The following MYT1L variants were observed in gnomAD, a reference collection of about 807,000 sequenced individuals.
MYT1L encodes myelin transcription factor 1 like.
In MYT1L, 12 loss-of-function variants were observed where a neutral mutation model predicts 126.7. The observed-to-expected ratio is 0.09, with a 90% CI of 0.06 to 0.15. MYT1L has a LOEUF of 0.15. Ranked by LOEUF, MYT1L falls within the 10% of genes least tolerant of loss-of-function variation. The pLI, the probability that MYT1L is intolerant of heterozygous loss-of-function variation, is 1.00. For synonymous variants in MYT1L, 541 were observed against 604.2 expected (o/e 0.90, Z 1.53); for missense variants, 979 against 1,585.2 (o/e 0.62, Z 6.49).
chr2:1,817,540 T>C (rs1378912666), intron 21 of MYT1L, among the ~76,000 whole-genome samples: 1 of 152,198 alleles, frequency 6.6e-6, no homozygotes, highest in Non-Finnish European at 1.5e-5. Context: ...GCCTGAAGAA[T>C]GATGCATTCT....
intron 1 of MYT1L, chr2:2,327,001 A>T (rs1375513433): frequency 6.6e-6 from 1 of 152,178 alleles, no homozygotes; most frequent in Non-Finnish European, 1.5e-5. Flanking sequence ...GATATTACAA[A>T]CAGAACCACA....
chr2:1,969,740 C>T (rs11127296), intron 8 of MYT1L, among the ~76,000 whole-genome samples: 14,274 of 152,236 alleles, frequency 0.094, 701 homozygotes, highest in East Asian at 0.13. Context: ...CTTCCTGCAG[C>T]CCTCTCTGGA....
rs570884169 is a variant in MYT1L, at chr2:2,135,363, G to C, written c.-304+37509C>G. ...TAAGACATGACTTTGCTCTTCCTTT[G>C]CCTTCCACCATGATTGTGAGGCCTC... On this transcript the variant is annotated intron_variant, in intron 3 of 24. Transcript: ENST00000647738. Among the ~76,000 whole-genome samples, 173 of 152,238 alleles carry C rather than the reference G, an allele frequency of 1.1e-3. 1 individual carries two copies. Among genetic ancestry groups the C allele is most frequent in the African/African-American group, 3.5e-3 (147 of 41,502 alleles).
intron 3 of MYT1L, among the ~76,000 whole-genome samples, chr2:2,086,223 A>G (rs2076338676): frequency 6.6e-6 from 1 of 152,210 alleles, no homozygotes; most frequent in South Asian, 2.1e-4. Flanking sequence ...GAGATGCGCT[A>G]AATAATCTAG....
intron 2 of MYT1L, among the ~76,000 whole-genome samples, chr2:2,244,685 A>G (rs6758172): frequency 0.71 from 107,558 of 151,668 alleles, 38,448 homozygotes; most frequent in East Asian, 0.97. Context: ...GCAGGTGTGG[A>G]GAAGAGGGGA....
intron 18 of MYT1L, among the ~76,000 whole-genome samples, chr2:1,869,891 T>G (rs1372321377): frequency 6.6e-6 from 1 of 152,208 alleles, no homozygotes; most frequent in Non-Finnish European, 1.5e-5. Flanking sequence ...CACACAGATC[T>G]CCAATTTCCA....
intron 4 of MYT1L, among the ~76,000 whole-genome samples, chr2:1,999,664 G>A (rs530379891): frequency 6.6e-6 from 1 of 152,042 alleles, no homozygotes; most frequent in Non-Finnish European, 1.5e-5. Context: ...AAATGAAAAC[G>A]AGTTAATACA....
chr2:2,199,499 G>A (rs1572389571), intron 2 of MYT1L, among the ~76,000 whole-genome samples: 2 of 152,262 alleles, frequency 1.3e-5, no homozygotes, highest in South Asian at 2.1e-4. Context: ...CAATGGGAGA[G>A]GGAGGAGCCA....
At chr2:2,117,848 G>C (rs1349216515) in intron 3 of MYT1L, among the ~76,000 whole-genome samples, 1 of 152,010 alleles carries the variant, frequency 6.6e-6, no homozygotes, top group Non-Finnish European at 1.5e-5. Flanking sequence ...TAATGAGACA[G>C]AGCCAGAGTC....
At chr2:2,216,172 C>G (rs1436367643) in intron 2 of MYT1L, among the ~76,000 whole-genome samples, 1 of 152,100 alleles carries the variant, frequency 6.6e-6, no homozygotes, top group Non-Finnish European at 1.5e-5. Context: ...GCCAATTAAA[C>G]CTCTTTTCTT....
chr2:2,006,350 C>G (rs1184085813), intron 4 of MYT1L, among the ~76,000 whole-genome samples: 3 of 152,074 alleles, frequency 2.0e-5, no homozygotes, highest in Non-Finnish European at 4.4e-5. Context: ...ACTTGTTTAT[C>G]ATCTCAGTTA....
At chr2:1,923,461 C>A (rs774252124) in intron 9 of MYT1L, among the ~76,000 whole-genome samples, 198 bp from the exon 10 acceptor site, 9 of 152,100 alleles carry the variant, frequency 5.9e-5, no homozygotes, top group Non-Finnish European at 1.3e-4. Context: ...AAGCAGAAGG[C>A]CATTTAAAAT....
chr2:1,851,005 C>T (rs991013366), intron 19 of MYT1L, among the ~76,000 whole-genome samples: 1 of 152,090 alleles, frequency 6.6e-6, no homozygotes, highest in African/African-American at 2.4e-5. Context: ...AATTTTTTCT[C>T]GAATAGTACC....
At chr2:1,884,824 G>T (rs768000866) in intron 18 of MYT1L, among the ~76,000 whole-genome samples, 1 of 152,196 alleles carries the variant, frequency 6.6e-6, no homozygotes, top group African/African-American at 2.4e-5. Context: ...TGCGCACCCT[G>T]CCCTGGAAGG....
chr2:2,012,820 C>T (rs954494876), intron 4 of MYT1L, among the ~76,000 whole-genome samples: 16 of 152,156 alleles, frequency 1.1e-4, no homozygotes, highest in Non-Finnish European at 2.1e-4. Context: ...GCTGTGGTAC[C>T]GCAGTGTTGT....
At chr2:2,011,372 C>T (rs1488601080) in intron 4 of MYT1L, among the ~76,000 whole-genome samples, 1 of 148,340 alleles carries the variant, frequency 6.7e-6, no homozygotes, top group Non-Finnish European at 1.5e-5. Context: ...CACTGCACTC[C>T]AGCCTGGGTG....
intron 1 of MYT1L, among the ~76,000 whole-genome samples, chr2:2,289,005 A>G (rs17247204): frequency 0.074 from 11,272 of 152,324 alleles, 591 homozygotes; most frequent in Middle Eastern, 0.14. Flanking sequence ...ACAGGCTTGC[A>G]TGTTAAGTAG....
Position 1,886,543 on chromosome 2 carries a change from G to C in MYT1L, c.2707C>G (p.Leu903Val). 6.3e-7 allele frequency: 1 copy of C among 1,576,176 alleles called. No homozygotes were observed. The highest frequency in any genetic ancestry group is 8.6e-7 in the Non-Finnish European group (1 of 1,161,526). Residue 903 changes from leucine (L) to valine (V), a missense_variant, in exon 18 of 25, where the codon CTC (leucine) becomes GTC (valine). Coordinates refer to ENST00000647738, the MANE Select transcript of MYT1L (RefSeq NM_001303052.2). ...ATTATTGTCATTAAATCTTACTTGA[G>C]TTCTTGGGAGCTGGTGGCCAGCATA... Reference protein sequence around the residue: ...RSMLATSSQELKCPTPGCDGS... With the variant: ...RSMLATSSQEVKCPTPGCDGS...
chr2:2,320,923 C>T (rs1052752120), intron 1 of MYT1L, among the ~76,000 whole-genome samples: 11 of 152,306 alleles, frequency 7.2e-5, no homozygotes, highest in African/African-American at 1.4e-4. Context: ...ACGCTTTCCA[C>T]GACCCAGACA....
Sources: gnomAD v4.1 joint callset for allele counts (sites outside exome capture counted in the v4.1 genomes callset) on GRCh38, gnomAD v4.1.1 for gene constraint, MANE v1.5 for transcripts, NCBI Gene and HGNC (gene_info 2026-07-23, HGNC 2026-07-21) for gene names.